The following COL23A1 variants were observed in gnomAD, a reference collection of about 807,000 sequenced individuals.
COL23A1 encodes collagen alpha-1(XXIII) chain.
Under a neutral mutation model 99.3 loss-of-function variants are expected in COL23A1, and 97 were observed. The observed-to-expected ratio is 0.98, with a 90% CI of 0.83 to 1.16. COL23A1 has a LOEUF of 1.16. COL23A1 is among the 50% of genes most tolerant of loss of function. The pLI is 0.00. For synonymous variants in COL23A1, 320 were observed against 308.2 expected, an observed-to-expected ratio of 1.04 and a Z score of -0.40; for missense variants, 762 against 757.4, an observed-to-expected ratio of 1.01 and a Z score of -0.07.
chr5:178,571,505 C>T (rs1763093704), intron 1 of COL23A1, among the ~76,000 whole-genome samples: 1 of 152,068 alleles, frequency 6.6e-6, no homozygotes, highest in Non-Finnish European at 1.5e-5. Flanking sequence ...CCAACAAGAC[C>T]CTAAAGGACC....
intron 14 of COL23A1, 31 bp from the exon 15 acceptor site, chr5:178,256,428 G>A (rs1051100737): frequency 5.6e-6 from 9 of 1,593,690 alleles, no homozygotes; most frequent in Admixed American, 5.2e-5. Flanking sequence ...AGCCAGAGGT[G>A]CAGCTGTGAA....
intron 2 of COL23A1, among the ~76,000 whole-genome samples, chr5:178,457,786 G>T (rs4976777): frequency 6.6e-6 from 1 of 152,084 alleles, no homozygotes; most frequent in African/African-American, 2.4e-5. Flanking sequence ...GCTGCTGAGA[G>T]GCAGGATTTT....
At chr5:178,317,299 CA>C (rs1201203655) in intron 2 of COL23A1, among the ~76,000 whole-genome samples, 1 of 152,242 alleles carries the variant, frequency 6.6e-6, no homozygotes, top group East Asian at 1.9e-4. Context: ...CTCCTTCACT[CA>C]TTTGCACTTA....
chr5:178,506,007 T>C (rs951141796), intron 2 of COL23A1, among the ~76,000 whole-genome samples: 2 of 152,116 alleles, frequency 1.3e-5, no homozygotes, highest in African/African-American at 4.8e-5. Context: ...TGTTGGGGCC[T>C]TCAGACTATA....
rs572570839 is a variant in COL23A1 at position 178,517,152 on chromosome 5, G to A, written c.361+43530C>T. Among the ~76,000 whole-genome samples, 12 of 152,272 alleles carry A rather than the reference G, an allele frequency of 7.9e-5. No homozygotes were observed. The South Asian group carries it at 2.5e-3, about 32-fold the overall frequency. ...GCAAGGCATGGTGAGCCATACCAAG[G>A]AACTGCAAGCCCCTAACAGCTGTCA... On this transcript the variant is annotated intron_variant, in intron 2 of 28. Transcript: ENST00000390654.
chr5:178,539,557 AAAAAAAAAAAAGAAAAAG>A (rs1178891708), intron 2 of COL23A1, among the ~76,000 whole-genome samples: 1 of 150,668 alleles, frequency 6.6e-6, no homozygotes. Context: ...AAAAAAAAAA[AAAAAAAAAAAAGAAAAAG>A]AAAGAAAGGG....
At chr5:178,579,138 C>T (rs1763536059) in intron 1 of COL23A1, among the ~76,000 whole-genome samples, 1 of 152,118 alleles carries the variant, frequency 6.6e-6, no homozygotes. Context: ...GGCAGAATCC[C>T]GGTGTTAAAA....
At chr5:178,560,807 G>A in intron 1 of COL23A1, 59 bp from the exon 2 acceptor site, 1 of 1,527,102 alleles carries the variant, frequency 6.5e-7, no homozygotes, top group Non-Finnish European at 8.9e-7. Context: ...AGAACAGAGA[G>A]GGGTAAAAGT....
chr5:178,362,689 T>A (rs1021206259), intron 2 of COL23A1, among the ~76,000 whole-genome samples: 1 of 152,112 alleles, frequency 6.6e-6, no homozygotes, highest in Non-Finnish European at 1.5e-5. Context: ...GTTGGAACTA[T>A]TAGACAAGAG....
At chr5:178,350,847 G>A (rs1761281760) in intron 2 of COL23A1, 1 of 152,406 alleles carries the variant, frequency 6.6e-6, no homozygotes, top group Non-Finnish European at 1.5e-5. Context: ...CTCTCTTCCT[G>A]ACTCTGGGCC....
At chr5:178,388,457 A>C (rs1488048286) in intron 2 of COL23A1, among the ~76,000 whole-genome samples, 6 of 152,148 alleles carry the variant, frequency 3.9e-5, no homozygotes, top group African/African-American at 1.4e-4. Flanking sequence ...AGTGACTTAC[A>C]TTTACTTAAG....
At chr5:178,239,497 G>T (rs1436804090) in intron 27 of COL23A1, among the ~76,000 whole-genome samples, 1 of 151,444 alleles carries the variant, frequency 6.6e-6, no homozygotes, top group Non-Finnish European at 1.5e-5. Context: ...GTACAGGCTG[G>T]CCTGGGTCCT....
At chr5:178,269,370 CCCATCTATCCATCCATCCACCCACCCAT>C (rs1470721105) in intron 6 of COL23A1, among the ~76,000 whole-genome samples, 1 of 23,950 alleles carries the variant, frequency 4.2e-5, no homozygotes, top group African/African-American at 1.3e-4. Context: ...CATCCACCCA[CCCATCTATCCATCCATCCACCCACCCAT>C]CCATCCAACC....
chr5:178,364,447 C>T (rs927938772), intron 2 of COL23A1, among the ~76,000 whole-genome samples: 8 of 152,056 alleles, frequency 5.3e-5, no homozygotes, highest in Non-Finnish European at 1.5e-5. Flanking sequence ...GGAGCAGGCC[C>T]ACAGGTGGGG....
intron 2 of COL23A1, among the ~76,000 whole-genome samples, chr5:178,358,411 ATGTGTATGTG>A (rs1272158311): frequency 4.3e-5 from 5 of 117,108 alleles, no homozygotes; most frequent in Admixed American, 2.7e-4. Context: ...GTATGTGTGT[ATGTGTATGTG>A]TGTGTATGTG....
At chr5:178,426,926 G>C (rs1765971148) in intron 2 of COL23A1, among the ~76,000 whole-genome samples, 1 of 152,206 alleles carries the variant, frequency 6.6e-6, no homozygotes. Context: ...GGCCAGTGTG[G>C]TGGCTCACGC....
chr5:178,562,723 C>G (rs981525800), intron 1 of COL23A1: 2 of 108,180 alleles, frequency 1.8e-5, no homozygotes, highest in Non-Finnish European at 3.4e-5. Flanking sequence ...AGGTTGCTGC[C>G]GCTGGCTGGT....
In COL23A1 at chr5:178,279,578, G is replaced by T. The variant is rs148316040; in HGVS notation, c.441+8746C>A. ...GACGAGGCCTCAGGTTCCAGCCCAG[G>T]GAGGGCTCTCAGCTTGGGTGGGTGG... On this transcript the variant is annotated intron_variant, in intron 5 of 28. Coordinates refer to ENST00000390654, the MANE Select transcript of COL23A1 (RefSeq NM_173465.4). Among the ~76,000 whole-genome samples the T allele has an allele frequency of 2.2e-3, 331 of 152,318 alleles. 1 individual carries two copies. The highest frequency in any genetic ancestry group is 7.8e-3 in the African/African-American group (323 of 41,572).
chr5:178,251,474 A>C (rs1765027204), intron 17 of COL23A1, among the ~76,000 whole-genome samples: 1 of 152,280 alleles, frequency 6.6e-6, no homozygotes, highest in Non-Finnish European at 1.5e-5. Context: ...TGAATAAATC[A>C]AAAGAGAGCT....
Sources: gnomAD v4.1 joint callset for allele counts (sites outside exome capture counted in the v4.1 genomes callset) on GRCh38, gnomAD v4.1.1 for gene constraint, MANE v1.5 for transcripts, NCBI Gene and HGNC (gene_info 2026-07-23, HGNC 2026-07-21) for gene names.